Variants in PLSCR2 observed in about 807,000 individuals in gnomAD.
PLSCR2 encodes PL scramblase 2.
In PLSCR2, 18 loss-of-function variants were observed where a neutral mutation model predicts 25.3. That is an observed-to-expected ratio of 0.71 (90% CI 0.49 to 1.06). The LOEUF is 1.06. PLSCR2 is among the 50% of genes least tolerant of loss of function. The probability of loss-of-function intolerance (pLI) is 0.00; values close to 1 mark genes in which losing one functional copy is unlikely to be tolerated. For missense variants in PLSCR2, 243 were observed against 269.5 expected, an observed-to-expected ratio of 0.90 and a Z score of 0.69; for synonymous variants, 88 against 87.3, an observed-to-expected ratio of 1.01 and a Z score of -0.04.
At chr3:146,428,482 C>G (rs1285672866), downstream of PLSCR2, among the ~76,000 whole-genome samples, 3 of 152,270 alleles carry the variant, frequency 2.0e-5, no homozygotes, top group East Asian at 5.8e-4. Context: ...AGGATATTTT[C>G]AGCCACAGAA....
chr3:146,484,458 T>C (rs761964696), intron 1 of PLSCR2, among the ~76,000 whole-genome samples: 1 of 151,854 alleles, frequency 6.6e-6, no homozygotes, highest in Non-Finnish European at 1.5e-5. Context: ...AGATGCTTTA[T>C]GAAAAGATCA....
At chr3:146,493,848 T>C (rs1421429192) in intron 1 of PLSCR2, among the ~76,000 whole-genome samples, 1 of 141,386 alleles carries the variant, frequency 7.1e-6, no homozygotes, top group African/African-American at 2.5e-5. Flanking sequence ...CTCTAAAGTA[T>C]ATGTCACTGG....
chr3:146,481,649 A>C (rs1216557591), intron 1 of PLSCR2, among the ~76,000 whole-genome samples: 3 of 152,216 alleles, frequency 2.0e-5, no homozygotes, highest in Non-Finnish European at 4.4e-5. Flanking sequence ...AAATGGCCAT[A>C]CTGCCCAAGG....
chr3:146,469,148 T>C (rs1318004122), intron 1 of PLSCR2: 2 of 985,376 alleles, frequency 2.0e-6, no homozygotes, highest in Admixed American at 6.1e-5. Context: ...TCCCTTCTAA[T>C]AGCCCCACTA....
chr3:146,436,471 C>T (rs1170382078), intron 8 of PLSCR2, among the ~76,000 whole-genome samples: 1 of 152,098 alleles, frequency 6.6e-6, no homozygotes, highest in Admixed American at 6.5e-5. Context: ...TTGTAGTTCT[C>T]CTTGAAGAGG....
At chr3:146,391,991 C>G (rs2038097573) in intron 3 of PLSCR2, among the ~76,000 whole-genome samples, 1 of 151,898 alleles carries the variant, frequency 6.6e-6, no homozygotes, top group South Asian at 2.1e-4. Flanking sequence ...ATGCTTATAC[C>G]CTGGTTTTTT....
intron 6 of PLSCR2, among the ~76,000 whole-genome samples, chr3:146,447,091 C>T (rs67613003): frequency 0.077 from 11,784 of 152,198 alleles, 676 homozygotes; most frequent in African/African-American, 0.16. Flanking sequence ...TTCATGGCAG[C>T]GGGCTCCCCC....
intron 2 of PLSCR2, among the ~76,000 whole-genome samples, chr3:146,426,282 C>A (rs1271406278): frequency 2.1e-5 from 3 of 144,698 alleles, no homozygotes; most frequent in Non-Finnish European, 3.0e-5. Flanking sequence ...TCTTTTCTTC[C>A]TTCCTTCCTT....
At chr3:146,489,999 C>CATT (rs1378409738) in intron 1 of PLSCR2, among the ~76,000 whole-genome samples, 1 of 152,082 alleles carries the variant, frequency 6.6e-6, no homozygotes, top group Non-Finnish European at 1.5e-5. Flanking sequence ...AACCTCAACA[C>CATT]ATTACAGCAT....
intron 2 of PLSCR2, chr3:146,401,699 G>A (rs1460545731): frequency 1.3e-5 from 2 of 152,030 alleles, no homozygotes; most frequent in African/African-American, 4.8e-5. Flanking sequence ...TCTTTAACTG[G>A]TATCTTAGTC....
chr3:146,488,224 A>C (rs1354994505), intron 1 of PLSCR2, among the ~76,000 whole-genome samples: 3 of 152,124 alleles, frequency 2.0e-5, no homozygotes, highest in Non-Finnish European at 2.9e-5. Flanking sequence ...AACTATAAAA[A>C]CCCATGAAGA....
At chr3:146,414,258 T>G (rs1056266435) in intron 2 of PLSCR2, among the ~76,000 whole-genome samples, 3 of 152,208 alleles carry the variant, frequency 2.0e-5, no homozygotes, top group Non-Finnish European at 4.4e-5. Flanking sequence ...CACTGATGAT[T>G]AAGTTTCCAG....
chr3:146,484,923 A>T lies in PLSCR2; in HGVS notation c.-293+10972T>A, dbSNP rs187109499. 2.6e-5 allele frequency among the ~76,000 whole-genome samples: 4 copies of T among 152,254 alleles called. No homozygotes were observed. In the East Asian group the frequency reaches 7.7e-4, roughly 29 times the overall value. On this transcript the variant is annotated intron_variant, in intron 1 of 8. Transcript: ENST00000336685. ...AATAGCATCATGATAACAGGATCAA[A>T]TTCACACATAACAATACTAACCTTA...
intron 6 of PLSCR2, among the ~76,000 whole-genome samples, chr3:146,447,861 G>C (rs1160008543): frequency 6.6e-6 from 1 of 152,166 alleles, no homozygotes; most frequent in African/African-American, 2.4e-5. Context: ...CAGAACTCAG[G>C]TTCTGAATGC....
At chr3:146,481,803 G>A (rs1160994737) in intron 1 of PLSCR2, among the ~76,000 whole-genome samples, 2 of 152,162 alleles carry the variant, frequency 1.3e-5, no homozygotes, top group African/African-American at 2.4e-5. Flanking sequence ...CAAAGCTGGA[G>A]GCATCACACT....
At chr3:146,460,136 C>T (rs6806643) in intron 1 of PLSCR2, 53 bp from the exon 2 acceptor site, 82,496 of 1,410,500 alleles carry the variant, frequency 0.058, 2,859 homozygotes, top group African/African-American at 0.13. Context: ...AGTCATCAAT[C>T]CTTTTTAGAA....
intron 1 of PLSCR2, among the ~76,000 whole-genome samples, chr3:146,471,244 C>T (rs2042108949): frequency 6.6e-6 from 1 of 151,728 alleles, no homozygotes; most frequent in Non-Finnish European, 1.5e-5. Flanking sequence ...TTTCTGTATA[C>T]AATAAAAAAA....
chr3:146,405,112 C>A (rs554709974), intron 2 of PLSCR2, among the ~76,000 whole-genome samples: 1 of 151,898 alleles, frequency 6.6e-6, no homozygotes, highest in East Asian at 2.0e-4. Context: ...ATTCTCTCAG[C>A]CCTGAAGAAG....
intron 1 of PLSCR2, among the ~76,000 whole-genome samples, chr3:146,492,837 T>C: frequency 6.6e-6 from 1 of 151,768 alleles, no homozygotes; most frequent in South Asian, 2.1e-4. Context: ...TGAAAAACCA[T>C]ACAAAAGATT....
Sources: gnomAD v4.1 joint callset for allele counts (sites outside exome capture counted in the v4.1 genomes callset) on GRCh38, gnomAD v4.1.1 for gene constraint, MANE v1.5 for transcripts, NCBI Gene and HGNC (gene_info 2026-07-23, HGNC 2026-07-21) for gene names.